The following DIAPH2 variants were observed in gnomAD, a reference collection of about 807,000 sequenced individuals.
DIAPH2 encodes the protein protein diaphanous homolog 2.
In DIAPH2, 35 loss-of-function variants were observed where a neutral mutation model predicts 92.7. That is an observed-to-expected ratio of 0.38 (90% CI 0.29 to 0.50). DIAPH2 has a LOEUF of 0.50. Ranked by LOEUF, DIAPH2 falls within the 20% of genes least tolerant of loss-of-function variation. The pLI is 0.94. For synonymous variants in DIAPH2, 301 were observed against 280.4 expected, an observed-to-expected ratio of 1.07 and a Z score of -0.73; for missense variants, 701 against 819.5, an observed-to-expected ratio of 0.86 and a Z score of 1.77.
At chrX:97,070,871 C>T (rs971147959) in intron 17 of DIAPH2, among the ~76,000 whole-genome samples, 17 of 111,646 alleles carry the variant, frequency 1.5e-4, no homozygotes, top group Non-Finnish European at 1.9e-4. Context: ...AGGGGAGAGG[C>T]TAGACCATAT....
chrX:97,075,035 T>C, intron 18 of DIAPH2, 132 bp from the exon 19 acceptor site: 1 of 383,238 alleles, frequency 2.6e-6, no homozygotes, highest in South Asian at 3.9e-5. Flanking sequence ...GGAACAACTT[T>C]TGTTTGTTCA....
At chrX:97,560,937 G>A (rs1320050857) in intron 26 of DIAPH2, among the ~76,000 whole-genome samples, 10 of 112,504 alleles carry the variant, frequency 8.9e-5, no homozygotes, top group African/African-American at 3.2e-4. Context: ...ACCATGACAT[G>A]TACTTCATAT....
chrX:96,761,904 A>G (rs1310513120), intron 4 of DIAPH2, among the ~76,000 whole-genome samples: 1 of 111,492 alleles, frequency 9.0e-6, no homozygotes, highest in Non-Finnish European at 1.9e-5. Flanking sequence ...GCTTGTAAAT[A>G]GTCTACTGAA....
At chrX:97,459,968 G>T (rs1022876618) in intron 26 of DIAPH2, among the ~76,000 whole-genome samples, 2 of 111,897 alleles carry the variant, frequency 1.8e-5, no homozygotes, top group African/African-American at 6.5e-5. Flanking sequence ...AGGATTAAAT[G>T]AGTTAATACT....
At chrX:97,179,840 A>C (rs2067524781) in intron 22 of DIAPH2, among the ~76,000 whole-genome samples, 1 of 112,089 alleles carries the variant, frequency 8.9e-6, no homozygotes, top group South Asian at 3.7e-4. Flanking sequence ...GAATCATCAC[A>C]GGCACTTTCT....
At chrX:97,446,143 CT>C (rs1242707551) in intron 26 of DIAPH2, among the ~76,000 whole-genome samples, 5 of 111,160 alleles carry the variant, frequency 4.5e-5, no homozygotes, top group African/African-American at 1.6e-4. Context: ...GATAATTAAC[CT>C]TTTGTATTTC....
intron 4 of DIAPH2, among the ~76,000 whole-genome samples, chrX:96,860,020 T>C (rs959621215): frequency 7.1e-5 from 8 of 112,209 alleles, no homozygotes; most frequent in Non-Finnish European, 1.5e-4. Context: ...GGAGGAAATA[T>C]ACATTCCAAT....
chrX:97,071,020 T>C (rs2066666285), intron 17 of DIAPH2, among the ~76,000 whole-genome samples: 1 of 111,930 alleles, frequency 8.9e-6, no homozygotes, highest in Non-Finnish European at 1.9e-5. Flanking sequence ...TGTACTTGGC[T>C]AATTAGTCTC....
intron 22 of DIAPH2, among the ~76,000 whole-genome samples, chrX:97,193,012 C>CTTTTCTTT (rs1256888466): frequency 3.9e-4 from 34 of 86,565 alleles, no homozygotes; most frequent in African/African-American, 1.6e-3. Flanking sequence ...TTTTTCTTTT[C>CTTTTCTTT]TTTTTTTTTT....
chrX:96,779,096 G>A (rs1382198878), intron 4 of DIAPH2, among the ~76,000 whole-genome samples: 2 of 112,115 alleles, frequency 1.8e-5, no homozygotes, highest in African/African-American at 6.5e-5. Context: ...AACTAGGATT[G>A]CTACAAAATA....
intron 4 of DIAPH2, among the ~76,000 whole-genome samples, chrX:96,841,899 T>C (rs771593865): frequency 8.1e-5 from 9 of 110,792 alleles, no homozygotes; most frequent in Non-Finnish European, 1.7e-4. Flanking sequence ...TTTGGGTAGG[T>C]AGTGGAAAAT....
At chrX:97,508,788 A>C (rs1332835238) in intron 26 of DIAPH2, among the ~76,000 whole-genome samples, 1 of 111,637 alleles carries the variant, frequency 9.0e-6, no homozygotes, top group Non-Finnish European at 1.9e-5. Context: ...AATGATGAAA[A>C]AGCAACATTT....
chrX:96,807,096 C>T (rs1252139351), intron 4 of DIAPH2, among the ~76,000 whole-genome samples: 1 of 111,947 alleles, frequency 8.9e-6, no homozygotes, highest in Non-Finnish European at 1.9e-5. Context: ...TCTTTATTTG[C>T]TTAGCCAATT....
At chrX:97,441,271 C>T (rs1311793282) in intron 26 of DIAPH2, among the ~76,000 whole-genome samples, 2 of 109,816 alleles carry the variant, frequency 1.8e-5, no homozygotes, top group Non-Finnish European at 3.8e-5. Context: ...CAAAATTAGC[C>T]GGGCATGGTG....
chrX:97,247,151 C>T (rs950794310), intron 22 of DIAPH2, among the ~76,000 whole-genome samples: 3 of 111,322 alleles, frequency 2.7e-5, no homozygotes, highest in African/African-American at 6.5e-5. Context: ...TGGGTATGTA[C>T]GTTCATTTGT....
At chrX:96,933,706 C>T (rs1366956761) in intron 10 of DIAPH2, among the ~76,000 whole-genome samples, 4 of 106,302 alleles carry the variant, frequency 3.8e-5, no homozygotes, top group East Asian at 2.9e-4. Flanking sequence ...CGGGTTCAAG[C>T]GATTCTTGTG....
chrX:96,940,170 C>G (rs2065695562), intron 12 of DIAPH2, among the ~76,000 whole-genome samples: 1 of 111,023 alleles, frequency 9.0e-6, no homozygotes, highest in Non-Finnish European at 1.9e-5. Flanking sequence ...AAGGTTTTAT[C>G]TTGTGCATAT....
intron 1 of DIAPH2, among the ~76,000 whole-genome samples, chrX:96,712,282 T>A (rs915330048): frequency 1.8e-5 from 2 of 111,726 alleles, no homozygotes; most frequent in Non-Finnish European, 3.8e-5. Context: ...GTGGATTTTT[T>A]ATATAATTTT....
At chrX:97,512,241 G>A (rs1486819688) in intron 26 of DIAPH2, among the ~76,000 whole-genome samples, 1 of 113,287 alleles carries the variant, frequency 8.8e-6, no homozygotes, top group Non-Finnish European at 1.9e-5. Context: ...GTCTTGGGAG[G>A]GTGTATATGT....
Sources: allele counts gnomAD v4.1 joint callset (sites outside exome capture counted in the v4.1 genomes callset), GRCh38; gene constraint gnomAD v4.1.1; transcripts MANE v1.5; gene names NCBI Gene and HGNC (gene_info 2026-07-23, HGNC 2026-07-21).